FSTL5: variants seen among roughly 807,000 people sequenced by gnomAD.
FSTL5 encodes the protein follistatin like 5, also known as follistatin-related protein 5.
FSTL5 carries 62 observed loss-of-function variants against 89.1 expected under a neutral mutation model. That is an observed-to-expected ratio of 0.70 (90% CI 0.57 to 0.86). The LOEUF (loss-of-function observed/expected upper bound fraction) is 0.86. Among genes scored for constraint, FSTL5 ranks in the 40% least tolerant of loss-of-function variants. The probability of loss-of-function intolerance (pLI) is 0.00; values close to 1 mark genes in which losing one functional copy is unlikely to be tolerated. For missense variants in FSTL5, 1,057 were observed against 1,001.6 expected (o/e 1.06, Z -0.75); for synonymous variants, 383 against 346.2 (o/e 1.11, Z -1.18).
chr4:162,159,952 A>G (rs1733630407), intron 1 of FSTL5, among the ~76,000 whole-genome samples: 1 of 151,972 alleles, frequency 6.6e-6, no homozygotes, highest in Non-Finnish European at 1.5e-5. Context: ...CAGTAATTAG[A>G]AGACAAAATT....
At chr4:161,540,730 G>T (rs1038336170) in intron 9 of FSTL5, among the ~76,000 whole-genome samples, 2 of 151,866 alleles carry the variant, frequency 1.3e-5, no homozygotes, top group South Asian at 4.1e-4. Context: ...GGCCAAAAAA[G>T]ATTTTTGTAT....
chr4:162,100,603 CA>C (rs1330649728), intron 2 of FSTL5, among the ~76,000 whole-genome samples: 4 of 152,148 alleles, frequency 2.6e-5, no homozygotes, highest in Non-Finnish European at 5.9e-5. Flanking sequence ...TGTCATTATA[CA>C]TTCATCAAAA....
intron 7 of FSTL5, among the ~76,000 whole-genome samples, chr4:161,640,528 T>G: frequency 6.6e-6 from 1 of 152,026 alleles, no homozygotes. Flanking sequence ...AATGAAAAGT[T>G]CACTAGTGGG....
At chr4:161,727,853 G>C (rs1739473882) in intron 6 of FSTL5, among the ~76,000 whole-genome samples, 1 of 152,166 alleles carries the variant, frequency 6.6e-6, no homozygotes, top group Non-Finnish European at 1.5e-5. Flanking sequence ...TGGAAATAGA[G>C]AAAGGAGAGG....
rs141921028 is a variant in FSTL5, at chr4:161,657,842, C to T, written c.728-1348G>A. Among the ~76,000 whole-genome samples the T allele has an allele frequency of 4.2e-4, 64 of 152,286 alleles. 1 individual carries two copies. In the East Asian group the frequency reaches 0.01, roughly 24 times the overall value. On this transcript the variant is annotated intron_variant, in intron 6 of 15. Transcript: ENST00000306100. ...GTGGTGTTTTCACCACTGGCTGACA[C>T]CTCATTATCTGATAAAATGAAACAG... is the stretch of plus-strand genomic sequence containing the variant.
At chr4:162,064,884 T>C (rs1406992006) in intron 2 of FSTL5, among the ~76,000 whole-genome samples, 1 of 151,916 alleles carries the variant, frequency 6.6e-6, no homozygotes, top group Non-Finnish European at 1.5e-5. Flanking sequence ...TAGTATGGCA[T>C]AAAAGGGCAT....
chr4:161,802,576 T>C (rs1283646807), intron 4 of FSTL5, among the ~76,000 whole-genome samples: 1 of 151,790 alleles, frequency 6.6e-6, no homozygotes, highest in Non-Finnish European at 1.5e-5. Flanking sequence ...ATAGCATTAA[T>C]TGTATTTAGT....
intron 7 of FSTL5, among the ~76,000 whole-genome samples, chr4:161,599,860 T>C (rs1734163031): frequency 6.6e-6 from 1 of 152,070 alleles, no homozygotes; most frequent in African/African-American, 2.4e-5. Context: ...ATAGGTGTCA[T>C]TGTGCACATG....
intron 4 of FSTL5, among the ~76,000 whole-genome samples, chr4:161,831,751 G>A (rs533554081): frequency 6.6e-6 from 1 of 151,648 alleles, no homozygotes; most frequent in African/African-American, 2.4e-5. Flanking sequence ...AACTTCTGTT[G>A]TATTTGTAAT....
chr4:161,881,107 C>A (rs148456676), intron 4 of FSTL5, among the ~76,000 whole-genome samples: 1 of 151,002 alleles, frequency 6.6e-6, no homozygotes, highest in Non-Finnish European at 1.5e-5. Flanking sequence ...ATTAACAAAA[C>A]TTTATTCCAA....
chr4:162,047,984 C>A (rs958166961), intron 2 of FSTL5, among the ~76,000 whole-genome samples: 2 of 152,022 alleles, frequency 1.3e-5, no homozygotes, highest in African/African-American at 2.4e-5. Context: ...CTAATTTTAA[C>A]CAAAAGTTGA....
intron 6 of FSTL5, among the ~76,000 whole-genome samples, chr4:161,747,370 A>T (rs1168401519): frequency 6.6e-6 from 1 of 151,666 alleles, no homozygotes; most frequent in South Asian, 2.1e-4. Flanking sequence ...TGTATTTTTT[A>T]TTTGAAAAGT....
At chr4:161,818,969 C>A (rs1730412958) in intron 4 of FSTL5, among the ~76,000 whole-genome samples, 1 of 151,964 alleles carries the variant, frequency 6.6e-6, no homozygotes, top group African/African-American at 2.4e-5. Context: ...TTAAGCCTCA[C>A]TCTCTTGAGG....
At chr4:161,833,770 TG>T (rs1560871636) in intron 4 of FSTL5, among the ~76,000 whole-genome samples, 1 of 151,876 alleles carries the variant, frequency 6.6e-6, no homozygotes, top group Non-Finnish European at 1.5e-5. Flanking sequence ...TGAGCCTATG[TG>T]TGTCTCTGCA....
At chr4:161,453,782 CAG>C (rs1733254570) in intron 15 of FSTL5, among the ~76,000 whole-genome samples, 1 of 151,952 alleles carries the variant, frequency 6.6e-6, no homozygotes, top group Non-Finnish European at 1.5e-5. Context: ...TTAATAGAGA[CAG>C]GGTTTTGCCA....
intron 8 of FSTL5, among the ~76,000 whole-genome samples, chr4:161,548,402 A>C (rs1183521362): frequency 6.6e-6 from 1 of 151,922 alleles, no homozygotes; most frequent in East Asian, 1.9e-4. Flanking sequence ...TGGTAGTTAC[A>C]GAAAAATGGG....
At chr4:161,977,719 T>C (rs1426859140) in intron 3 of FSTL5, among the ~76,000 whole-genome samples, 1 of 150,820 alleles carries the variant, frequency 6.6e-6, no homozygotes, top group East Asian at 1.9e-4. Flanking sequence ...TCAAGTTATT[T>C]TGAGCCCATC....
chr4:161,669,548 A>C (rs1737024601), intron 6 of FSTL5, among the ~76,000 whole-genome samples: 1 of 152,172 alleles, frequency 6.6e-6, no homozygotes, highest in Non-Finnish European at 1.5e-5. Context: ...TAGAAAAGTA[A>C]AATTTTAAAC....
chr4:161,946,371 G>C (rs1196141945), intron 3 of FSTL5, among the ~76,000 whole-genome samples: 2 of 152,114 alleles, frequency 1.3e-5, no homozygotes, highest in African/African-American at 4.8e-5. Context: ...TAAGCAGTGA[G>C]CAAATCCACA....
Sources: allele counts gnomAD v4.1 joint callset (sites outside exome capture counted in the v4.1 genomes callset), GRCh38; gene constraint gnomAD v4.1.1; transcripts MANE v1.5; gene names NCBI Gene and HGNC (gene_info 2026-07-23, HGNC 2026-07-21).